Variants in ARK2C observed in about 807,000 individuals in gnomAD.
ARK2C encodes arkadia (RNF111) C-terminal like ring finger ubiquitin ligase 2C, also known as E3 ubiquitin-protein ligase ARK2C.
At chr18:46,422,238 C>T in the ARK2C span, among the ~76,000 whole-genome samples, 1 of 152,172 alleles carries the variant, frequency 6.6e-6, no homozygotes, top group African/African-American at 2.4e-5. Flanking sequence ...TCAGTTCTGC[C>T]GTTCAAGGTT....
the ARK2C span, among the ~76,000 whole-genome samples, chr18:46,428,365 T>C: frequency 5.9e-5 from 9 of 152,104 alleles, no homozygotes; most frequent in East Asian, 1.9e-4. Context: ...GCTGAGATCG[T>C]GCCACTGCAC....
At chr18:46,367,565 C>T in the ARK2C span, among the ~76,000 whole-genome samples, 2 of 152,160 alleles carry the variant, frequency 1.3e-5, no homozygotes, top group Non-Finnish European at 2.9e-5. Flanking sequence ...TTGCCTTGTG[C>T]CCTCATAATC....
At chr18:46,429,037 C>G in the ARK2C span, among the ~76,000 whole-genome samples, 3 of 152,248 alleles carry the variant, frequency 2.0e-5, no homozygotes, top group South Asian at 4.1e-4. Flanking sequence ...TCCCTTTGTC[C>G]TGTGTGATGG....
the ARK2C span, among the ~76,000 whole-genome samples, chr18:46,431,054 C>G: frequency 6.6e-6 from 1 of 152,080 alleles, no homozygotes; most frequent in African/African-American, 2.4e-5. Flanking sequence ...GCCCCCCACC[C>G]CTGGACAGGC....
chr18:46,385,876 G>A, the ARK2C span: 1 of 152,206 alleles, frequency 6.6e-6, no homozygotes, highest in Non-Finnish European at 1.5e-5. Flanking sequence ...TGGAAGAGTT[G>A]CTTTTACTAA....
the ARK2C span, among the ~76,000 whole-genome samples, chr18:46,346,996 G>A: frequency 1.3e-5 from 2 of 152,204 alleles, no homozygotes; most frequent in Admixed American, 1.3e-4. Context: ...CAACAAGAAT[G>A]GCCAAACAGT....
the ARK2C span, chr18:46,433,293 C>T: frequency 6.2e-7 from 1 of 1,611,408 alleles, no homozygotes; most frequent in Non-Finnish European, 8.5e-7. Flanking sequence ...TCCCGCTGGC[C>T]CACCCCGTGC....
the ARK2C span, among the ~76,000 whole-genome samples, chr18:46,377,426 C>T: frequency 6.6e-6 from 1 of 152,124 alleles, no homozygotes; most frequent in African/African-American, 2.4e-5. Flanking sequence ...GTAACAGCTC[C>T]CTAATGGCTC....
chr18:46,359,760 T>C, the ARK2C span, among the ~76,000 whole-genome samples: 21 of 152,152 alleles, frequency 1.4e-4, no homozygotes, highest in Admixed American at 1.4e-3. Context: ...ATTCACAACT[T>C]CCCTTTTCAA....
At chr18:46,336,500 G>T in the ARK2C span, 4 of 985,380 alleles carry the variant, frequency 4.1e-6, no homozygotes, top group Non-Finnish European at 4.8e-6. Flanking sequence ...GTAAAATTTC[G>T]CAGAATGTGA....
chr18:46,351,485 G>T, the ARK2C span, among the ~76,000 whole-genome samples: 3 of 152,178 alleles, frequency 2.0e-5, no homozygotes, highest in Non-Finnish European at 1.5e-5. Context: ...AAATGGTAAG[G>T]TTTGCTAAGG....
the ARK2C span, among the ~76,000 whole-genome samples, chr18:46,365,329 C>T: frequency 1.3e-5 from 2 of 152,246 alleles, no homozygotes; most frequent in East Asian, 3.9e-4. Flanking sequence ...GGGTCGAGTC[C>T]AGGAGGTCTT....
the ARK2C span, among the ~76,000 whole-genome samples, chr18:46,384,756 C>A: frequency 6.6e-6 from 1 of 152,286 alleles, no homozygotes; most frequent in African/African-American, 2.4e-5. Context: ...GTGGCTCATG[C>A]CTGTAATCCC....
chr18:46,446,670 C>CAA, the ARK2C span, among the ~76,000 whole-genome samples: 369 of 33,552 alleles, frequency 0.011, no homozygotes, highest in Middle Eastern at 0.019. Flanking sequence ...GACTCCATCT[C>CAA]AAAAAAAAAA....
At chr18:46,450,813 C>T in the ARK2C span, 5 of 1,597,020 alleles carry the variant, frequency 3.1e-6, no homozygotes, top group Non-Finnish European at 4.3e-6. Context: ...GGTCTGCCAG[C>T]AGGCCAGCCT....
the ARK2C span, chr18:46,450,174 CA>C: frequency 1.4e-6 from 1 of 710,404 alleles, no homozygotes; most frequent in Non-Finnish European, 2.6e-6. Context: ...GCAGGAAAGA[CA>C]ATAGTTCTGC....
chr18:46,408,441 G>A, the ARK2C span, among the ~76,000 whole-genome samples: 1 of 152,228 alleles, frequency 6.6e-6, no homozygotes. Context: ...GCAGCAGAAT[G>A]TCCATAGAGG....
the ARK2C span, among the ~76,000 whole-genome samples, chr18:46,367,216 G>T: frequency 6.6e-6 from 1 of 152,090 alleles, no homozygotes; most frequent in South Asian, 2.1e-4. Context: ...TATTCAACTG[G>T]TTCAATTCTG....
At chr18:46,351,840 G>A in the ARK2C span, among the ~76,000 whole-genome samples, 10 of 152,276 alleles carry the variant, frequency 6.6e-5, no homozygotes, top group South Asian at 2.1e-4. Context: ...AATCCACTGC[G>A]CACAAACATT....
Sources: allele counts gnomAD v4.1 joint callset (sites outside exome capture counted in the v4.1 genomes callset), GRCh38; gene constraint gnomAD v4.1.1; transcripts MANE v1.5; gene names NCBI Gene and HGNC (gene_info 2026-07-23, HGNC 2026-07-21).